The following ADCY7 variants were observed in gnomAD, a reference collection of about 807,000 sequenced individuals.
The protein encoded by ADCY7 is adenylate cyclase 7.
A neutral mutation model predicts 120.6 loss-of-function variants in ADCY7; 72 were observed. The observed-to-expected ratio is 0.60, with a 90% CI of 0.49 to 0.73. ADCY7 has a LOEUF of 0.73. Among genes scored for constraint, ADCY7 ranks in the 30% least tolerant of loss-of-function variants. The pLI is 0.00. For missense variants in ADCY7, 1,227 were observed against 1,486.0 expected, an observed-to-expected ratio of 0.83 and a Z score of 2.87; for synonymous variants, 661 against 628.0, an observed-to-expected ratio of 1.05 and a Z score of -0.78.
At chr16:50,287,416 G>A (rs543455156) in intron 1 of ADCY7, among the ~76,000 whole-genome samples, 2 of 151,586 alleles carry the variant, frequency 1.3e-5, no homozygotes, top group African/African-American at 4.8e-5. Flanking sequence ...GGCTGGGCAT[G>A]GTGGCTCATG....
intron 4 of ADCY7, 53 bp from the exon 5 acceptor site, chr16:50,292,623 C>T (rs750560507): frequency 1.4e-5 from 23 of 1,594,822 alleles, no homozygotes; most frequent in African/African-American, 8.0e-5. Flanking sequence ...TCTGGTGCCT[C>T]GGGAGGGCAT....
At position 50,314,408 on chromosome 16, in the gene ADCY7, T is replaced by C; in HGVS notation, c.2971+2T>C. On this transcript the variant is annotated splice_donor_variant, in intron 24 of 25. Transcript: ENST00000673801. LOFTEE classifies it high-confidence loss of function. ...TCAACTCCTTCCGCCTCCGCGTCGGTGAGCCCGGGTGATGGAGCGGGGTGG... is the reference window on the plus strand; with the variant it reads ...TCAACTCCTTCCGCCTCCGCGTCGGCGAGCCCGGGTGATGGAGCGGGGTGG... 1 of 1,612,462 alleles carries C rather than the reference T, an allele frequency of 6.2e-7. No homozygotes were observed.
intron 12 of ADCY7, 72 bp from the exon 13 acceptor site, chr16:50,305,431 A>T: frequency 7.3e-7 from 1 of 1,374,630 alleles, no homozygotes; most frequent in South Asian, 1.2e-5. Context: ...ACTGGTGTCT[A>T]CGTCCACACC....
At chr16:50,278,091 G>T (rs1278402657) in intron 1 of ADCY7, among the ~76,000 whole-genome samples, 4 of 151,740 alleles carry the variant, frequency 2.6e-5, no homozygotes, top group African/African-American at 4.8e-5. Context: ...ACCGAGGCTG[G>T]TTTACAGGCA....
intron 1 of ADCY7, among the ~76,000 whole-genome samples, chr16:50,275,325 T>C (rs185966086): frequency 1.7e-4 from 26 of 152,226 alleles, no homozygotes; most frequent in African/African-American, 6.3e-4. Context: ...GGTGGGTAAG[T>C]GGGGCCCCCA....
chr16:50,272,371 T>A (rs1262890807), intron 1 of ADCY7, among the ~76,000 whole-genome samples: 1 of 152,186 alleles, frequency 6.6e-6, no homozygotes, highest in East Asian at 1.9e-4. Flanking sequence ...ACTGGCCAGC[T>A]TTCCTCATGC....
rs1192642509 is a variant in ADCY7 at position 50,317,801 on chromosome 16, T to C, written c.*2296T>C. The C allele has an allele frequency of 3.3e-5, 5 of 152,376 alleles. No homozygotes were observed. In the South Asian group the frequency reaches 6.2e-4, roughly 19 times the overall value. The allele number at this position is 152,376 out of a possible 1,614,324, so 9.4% of individuals were successfully genotyped here. A position where few individuals can be genotyped will look rare whatever the true frequency, so the allele number is the denominator to read the frequency against. ...CTAACAAACAAACAAACAGTGACCTTCTCCATGGGTCAAGGACTTCCTTAC... is the reference window on the plus strand; with the variant it reads ...CTAACAAACAAACAAACAGTGACCTCCTCCATGGGTCAAGGACTTCCTTAC... On this transcript the variant is annotated 3_prime_UTR_variant, in exon 26 of 26. Coordinates refer to ENST00000673801, the MANE Select transcript of ADCY7 (RefSeq NM_001114.5).
At chr16:50,255,975 A>G (rs1461456700) in intron 1 of ADCY7, among the ~76,000 whole-genome samples, 1 of 152,208 alleles carries the variant, frequency 6.6e-6, no homozygotes, top group Non-Finnish European at 1.5e-5. Flanking sequence ...CTATAGAACT[A>G]CTAGAAGAAA....
In ADCY7 at chr16:50,290,440, C is replaced by T; in HGVS notation, c.172-17C>T. On this transcript the variant is annotated splice_polypyrimidine_tract_variant and intron_variant, in intron 2 of 25. Transcript: ENST00000673801. ...CTGGGGAAAGCCGAGGCATTCCTGTCTGTTTGCTCCACCCAGGACCCCTCC... is the reference window on the plus strand; with the variant it reads ...CTGGGGAAAGCCGAGGCATTCCTGTTTGTTTGCTCCACCCAGGACCCCTCC... The T allele has an allele frequency of 6.2e-7, 1 of 1,613,802 alleles. No homozygotes were observed. Among genetic ancestry groups the T allele is most frequent in the African/African-American group, 1.3e-5 (1 of 75,046 alleles).
At chr16:50,284,789 T>C (rs146917217) in intron 1 of ADCY7, among the ~76,000 whole-genome samples, 7 of 152,360 alleles carry the variant, frequency 4.6e-5, no homozygotes, top group African/African-American at 1.7e-4. Context: ...GCTCCAGCAG[T>C]GTGATCTTAG....
intron 2 of ADCY7, chr16:50,289,300 T>C (rs13332825): frequency 0.21 from 92,903 of 436,718 alleles, 10,949 homozygotes; most frequent in Middle Eastern, 0.27. Flanking sequence ...CCTCCCAAAG[T>C]GTTGGGATTA....
intron 5 of ADCY7, 30 bp downstream of exon 5, chr16:50,292,855 T>C (rs1472386990): frequency 1.4e-5 from 22 of 1,607,940 alleles, no homozygotes; most frequent in Non-Finnish European, 1.8e-5. Flanking sequence ...CCTCACCCTG[T>C]ACACCCCTGT....
At chr16:50,246,442 A>T (rs1026579707) in intron 1 of ADCY7, among the ~76,000 whole-genome samples, 1 of 152,124 alleles carries the variant, frequency 6.6e-6, no homozygotes, top group South Asian at 2.1e-4. Flanking sequence ...AGGCACGGCC[A>T]GGAGACGCTT....
At chr16:50,283,231 G>T (rs903321431) in intron 1 of ADCY7, among the ~76,000 whole-genome samples, 1 of 152,206 alleles carries the variant, frequency 6.6e-6, no homozygotes, top group African/African-American at 2.4e-5. Context: ...GCTGAAAGGG[G>T]CATTGCTTGT....
At chr16:50,265,106 G>T (rs2033163135), upstream of ADCY7, among the ~76,000 whole-genome samples, 1 of 152,112 alleles carries the variant, frequency 6.6e-6, no homozygotes, top group Non-Finnish European at 1.5e-5. Context: ...CAAAGTGCTG[G>T]GATTACAGGC....
chr16:50,253,620 G>A (rs1042616818), intron 1 of ADCY7, among the ~76,000 whole-genome samples: 3 of 152,236 alleles, frequency 2.0e-5, no homozygotes, highest in Non-Finnish European at 2.9e-5. Context: ...GTGGGACCAC[G>A]TCTGGGAGTG....
chr16:50,271,386 C>T (rs973802042), intron 1 of ADCY7, among the ~76,000 whole-genome samples: 2 of 152,176 alleles, frequency 1.3e-5, no homozygotes, highest in African/African-American at 4.8e-5. Flanking sequence ...GGGTTACAGG[C>T]ATGAGCCACC....
intron 10 of ADCY7, among the ~76,000 whole-genome samples, chr16:50,303,288 G>A (rs543479127): frequency 6.6e-6 from 1 of 152,326 alleles, no homozygotes; most frequent in Non-Finnish European, 1.5e-5. Flanking sequence ...GGCTCCCGTG[G>A]CTAGGCAGAT....
chr16:50,302,103 T>TGGCC (rs1215013898), intron 10 of ADCY7: 1 of 82,354 alleles, frequency 1.2e-5, no homozygotes, highest in Non-Finnish European at 2.5e-5. Context: ...GCCCCGCCCC[T>TGGCC]CCAAGCCCCT....
Sources: allele counts gnomAD v4.1 joint callset (sites outside exome capture counted in the v4.1 genomes callset), GRCh38; gene constraint gnomAD v4.1.1; transcripts MANE v1.5; gene names NCBI Gene and HGNC (gene_info 2026-07-23, HGNC 2026-07-21).